The following C2CD5 variants were observed in gnomAD, a reference collection of about 807,000 sequenced individuals.
C2CD5 encodes the protein C2 calcium dependent domain containing 5.
Under a neutral mutation model 130.3 loss-of-function variants are expected in C2CD5, and 109 were observed. The observed-to-expected ratio is 0.84, with a 90% CI of 0.72 to 0.98. The LOEUF is 0.98. C2CD5 is among the 50% of genes least tolerant of loss of function. The pLI, the probability that C2CD5 is intolerant of heterozygous loss-of-function variation, is 0.00. For synonymous variants in C2CD5, 454 were observed against 429.2 expected (o/e 1.06, Z -0.71); for missense variants, 996 against 1,261.8 (o/e 0.79, Z 3.19).
intron 8 of C2CD5, among the ~76,000 whole-genome samples, chr12:22,514,497 C>G (rs1475291392): frequency 1.3e-5 from 2 of 151,606 alleles, no homozygotes; most frequent in Non-Finnish European, 2.9e-5. Flanking sequence ...ATTGAAATAT[C>G]AGAAAATAGA....
chr12:22,463,085 AAG>A (rs1328200864), intron 22 of C2CD5, among the ~76,000 whole-genome samples: 2 of 151,382 alleles, frequency 1.3e-5, no homozygotes, highest in East Asian at 2.0e-4. Flanking sequence ...CCCTGTCTCA[AAG>A]AGAGAGAGAA....
intron 23 of C2CD5, 54 bp downstream of exon 23, chr12:22,459,438 C>G: frequency 8.4e-7 from 1 of 1,189,510 alleles, no homozygotes; most frequent in Non-Finnish European, 1.2e-6. Flanking sequence ...TTATGCACCA[C>G]CAAACTAGAA....
At chr12:22,506,172 A>G (rs1948508275) in intron 10 of C2CD5, among the ~76,000 whole-genome samples, 1 of 152,056 alleles carries the variant, frequency 6.6e-6, no homozygotes, top group Admixed American at 6.6e-5. Flanking sequence ...TGACACCCAC[A>G]GTGTTTACAT....
intron 3 of C2CD5, among the ~76,000 whole-genome samples, chr12:22,528,583 C>G (rs577117896): frequency 7.5e-4 from 114 of 152,134 alleles, no homozygotes; most frequent in Non-Finnish European, 1.3e-3. Context: ...ATATAGTGGC[C>G]AGAAGGGAAC....
chr12:22,504,840 CAT>C (rs3063918), intron 10 of C2CD5, among the ~76,000 whole-genome samples: 15,444 of 152,134 alleles, frequency 0.1, 2,265 homozygotes, highest in East Asian at 0.75. Context: ...TAGAATTTGG[CAT>C]AGTCTTCAAG....
intron 9 of C2CD5, among the ~76,000 whole-genome samples, chr12:22,509,898 T>C (rs1948998206): frequency 6.6e-6 from 1 of 152,234 alleles, no homozygotes; most frequent in Non-Finnish European, 1.5e-5. Context: ...TTATAGATTT[T>C]TCTTCTGTTT....
chr12:22,487,585 C>G (rs1287727694), intron 12 of C2CD5, among the ~76,000 whole-genome samples: 1 of 152,030 alleles, frequency 6.6e-6, no homozygotes, highest in Non-Finnish European at 1.5e-5. Context: ...GAAATAGGAA[C>G]ACTTTTACAC....
Position 22,448,775 on chromosome 12 carries a change from A to G in C2CD5, c.*985T>C, listed in dbSNP as rs987103484. 6.6e-6 allele frequency: 1 copy of G among 152,582 alleles called. No homozygotes were observed. Among genetic ancestry groups the G allele is most frequent in the African/African-American group, 2.4e-5 (1 of 41,440 alleles). 9.5% of individuals were successfully genotyped at this position (152,582 alleles called of 1,614,324 possible). A position where few individuals can be genotyped will look rare whatever the true frequency, so the allele number is the denominator to read the frequency against. On this transcript the variant is annotated 3_prime_UTR_variant, in exon 27 of 27. Coordinates refer to ENST00000446597, the MANE Select transcript of C2CD5 (RefSeq NM_001286176.2). ...TATTTAAGGTTCATTTACAACGGGCATTTGGCGTCGACAGAAAAAGTCTTT... is the reference window on the plus strand; with the variant it reads ...TATTTAAGGTTCATTTACAACGGGCGTTTGGCGTCGACAGAAAAAGTCTTT...
intron 2 of C2CD5, among the ~76,000 whole-genome samples, chr12:22,541,963 GAAGT>G (rs777636069): frequency 6.6e-6 from 1 of 152,158 alleles, no homozygotes; most frequent in African/African-American, 2.4e-5. Context: ...TTCAAAGAAG[GAAGT>G]AATAAGTAAC....
intron 2 of C2CD5, among the ~76,000 whole-genome samples, chr12:22,538,445 G>A (rs925250547): frequency 3.3e-5 from 5 of 152,130 alleles, no homozygotes; most frequent in African/African-American, 1.2e-4. Flanking sequence ...AAGTATATCA[G>A]CCAACTGATG....
Position 22,448,993 on chromosome 12 carries a change from A to G in C2CD5, c.*767T>C, listed in dbSNP as rs907982980. 1 of 152,358 alleles carries G rather than the reference A, an allele frequency of 6.6e-6. No individual in the cohort carries two copies. Among genetic ancestry groups the G allele is most frequent in the Non-Finnish European group, 1.5e-5 (1 of 68,002 alleles). 9.4% of individuals were successfully genotyped at this position (152,358 alleles called of 1,614,324 possible). A position where few individuals can be genotyped will look rare whatever the true frequency, so the allele number is the denominator to read the frequency against. On this transcript the variant is annotated 3_prime_UTR_variant, in exon 27 of 27. Coordinates refer to ENST00000446597, the MANE Select transcript of C2CD5 (RefSeq NM_001286176.2). The stretch of plus-strand genomic sequence containing the variant: ...CTACTAAGTCAACTGCATTTTTACT[A>G]CTTTAACAAAATTCACTGACATTTT...
At chr12:22,486,489 G>C (rs1225704237) in intron 12 of C2CD5, among the ~76,000 whole-genome samples, 1 of 152,126 alleles carries the variant, frequency 6.6e-6, no homozygotes, top group Non-Finnish European at 1.5e-5. Flanking sequence ...CAAGGCATTA[G>C]CTATCAGTCA....
intron 16 of C2CD5, among the ~76,000 whole-genome samples, chr12:22,473,489 T>C (rs1943367084): frequency 2.0e-5 from 3 of 152,142 alleles, no homozygotes; most frequent in African/African-American, 7.2e-5. Context: ...ACACCCAGGA[T>C]CTCGAGCATT....
intron 6 of C2CD5, 55 bp downstream of exon 6, chr12:22,524,417 A>G: frequency 2.0e-6 from 3 of 1,529,976 alleles, no homozygotes; most frequent in Non-Finnish European, 2.7e-6. Flanking sequence ...AAGGAAAGCA[A>G]AAAATTTAAG....
intron 11 of C2CD5, among the ~76,000 whole-genome samples, chr12:22,492,569 T>C (rs544500704): frequency 3.3e-5 from 5 of 152,134 alleles, no homozygotes; most frequent in Non-Finnish European, 7.4e-5. Flanking sequence ...CATAATCATA[T>C]GTAACTGGAG....
Position 22,472,278 on chromosome 12 carries a change from A to T in C2CD5, c.2169+8T>A. The T allele has an allele frequency of 6.9e-7, 1 of 1,453,472 alleles. No individual in the cohort carries two copies. The highest frequency in any genetic ancestry group is 1.2e-5 in the South Asian group (1 of 80,406). The allele number at this position is 1,453,472 out of a possible 1,614,324, so 90.0% of individuals were successfully genotyped here. On this transcript the variant is annotated splice_region_variant and intron_variant, in intron 18 of 26. Transcript: ENST00000446597. The stretch of plus-strand genomic sequence containing the variant: ...TTATGTGCTTAAAATTAAGAAAAAA[A>T]GGTTTACCTGTATTTCAGAGGTCCA...
intron 9 of C2CD5, among the ~76,000 whole-genome samples, 159 bp downstream of exon 9, chr12:22,513,131 TAAAC>T (rs1236519372): frequency 6.6e-6 from 1 of 152,100 alleles, no homozygotes; most frequent in Non-Finnish European, 1.5e-5. Flanking sequence ...TAATTATCCA[TAAAC>T]AAATTACTTT....
chr12:22,507,455 T>C (rs370210850), intron 9 of C2CD5, among the ~76,000 whole-genome samples: 18 of 152,322 alleles, frequency 1.2e-4, no homozygotes, highest in Middle Eastern at 3.4e-3. Flanking sequence ...GAAAGGTACA[T>C]AGATAACAGC....
intron 22 of C2CD5, 123 bp downstream of exon 22, chr12:22,469,586 A>G (rs1484848599): frequency 2.2e-5 from 12 of 533,580 alleles, no homozygotes; most frequent in Non-Finnish European, 3.3e-5. Flanking sequence ...ATGAAGAAAC[A>G]TATAATGAGG....
Sources: gnomAD v4.1 joint callset for allele counts (sites outside exome capture counted in the v4.1 genomes callset) on GRCh38, gnomAD v4.1.1 for gene constraint, MANE v1.5 for transcripts, NCBI Gene and HGNC (gene_info 2026-07-23, HGNC 2026-07-21) for gene names.